The following USP6 variants were observed in gnomAD, a reference collection of about 807,000 sequenced individuals.
The protein encoded by USP6 is ubiquitin specific peptidase 6.
In USP6, 128 loss-of-function variants were observed where a neutral mutation model predicts 175.7. The ratio of observed to expected loss-of-function variants is 0.73; its 90% CI spans 0.63 to 0.84. The LOEUF (loss-of-function observed/expected upper bound fraction) is 0.84. Among genes scored for constraint, USP6 ranks in the 40% least tolerant of loss-of-function variants. The pLI is 0.00. For synonymous variants in USP6, 562 were observed against 630.6 expected (o/e 0.89, Z 1.63); for missense variants, 1,498 against 1,760.3 (o/e 0.85, Z 2.67).
intron 37 of USP6, 97 bp from the exon 38 acceptor site, chr17:5,172,708 G>T: frequency 6.5e-7 from 1 of 1,527,562 alleles, no homozygotes; most frequent in Non-Finnish European, 8.9e-7. Flanking sequence ...AAGCAATCAG[G>T]TTAGTAATTA....
intron 31 of USP6, 95 bp downstream of exon 31, chr17:5,155,701 C>G (rs2073869263): frequency 8.2e-7 from 1 of 1,217,316 alleles, no homozygotes; most frequent in Non-Finnish European, 1.1e-6. Flanking sequence ...CAGCCCATGT[C>G]AAGTTTGGCG....
Position 5,130,674 on chromosome 17 carries a change from G to C in USP6, c.145G>C (p.Gly49Arg). The change falls in exon 11 of 38, where the codon GGC (glycine) becomes CGC (arginine). Residue 49 changes from glycine to arginine, a missense_variant. This residue lies in a region of USP6 where 281 missense variants were observed against 259.6 expected (regional missense o/e 1.08). Transcript: ENST00000574788. ...VGINSSIDRF[G>R]ILHETELPPV... is the part of the protein sequence containing the mutation. ...AATCAACAGCAGCATTGATCGTTTT[G>C]GCATTTTGCAGTGAGTCATCCTCTA... 6.2e-7 allele frequency: 1 copy of C among 1,613,984 alleles called. No homozygotes were observed. The highest frequency in any genetic ancestry group is 1.3e-5 in the African/African-American group (1 of 75,050).
At chr17:5,138,868 C>A in intron 21 of USP6, 1 of 705,338 alleles carries the variant, frequency 1.4e-6, no homozygotes, top group Non-Finnish European at 2.2e-6. Context: ...ACGTCCGGGC[C>A]CAGTCACCCA....
At chr17:5,155,713 C>G (rs2073869505) in intron 31 of USP6, 107 bp downstream of exon 31, 2 of 1,048,816 alleles carry the variant, frequency 1.9e-6, no homozygotes, top group African/African-American at 1.7e-5. Context: ...AGTTTGGCGC[C>G]CAGCCAAAAT....
intron 31 of USP6, among the ~76,000 whole-genome samples, chr17:5,158,327 G>A (rs1223415384): frequency 6.6e-6 from 1 of 152,166 alleles, no homozygotes; most frequent in African/African-American, 2.4e-5. Context: ...AGCACTTCAG[G>A]AGGCCGAGGT....
rs2072633080 is a variant in USP6 at position 5,120,631 on chromosome 17, T to C, written c.-1832T>C. On this transcript the variant is annotated 5_prime_UTR_variant, in exon 3 of 38. It removes an upstream start codon present in the reference 5' UTR. Coordinates refer to ENST00000574788, the MANE Select transcript of USP6 (RefSeq NM_001304284.2). ...CCTGCTGTCCTCTCTGCCCAGGAAA[T>C]GAAGGCCCTTTGAGGTCAGGTGGAT... is the stretch of plus-strand genomic sequence containing the variant. 2.7e-6 allele frequency: 1 copy of C among 376,328 alleles called. No individual in the cohort carries two copies. Among genetic ancestry groups the C allele is most frequent in the Non-Finnish European group, 5.2e-6 (1 of 193,608 alleles). 23.3% of individuals were successfully genotyped at this position (376,328 alleles called of 1,614,324 possible).
chr17:5,152,531 A>G (rs1187774428), intron 30 of USP6, among the ~76,000 whole-genome samples: 9 of 152,238 alleles, frequency 5.9e-5, no homozygotes, highest in Admixed American at 3.9e-4. Context: ...AGCATTATCT[A>G]TAGTAGCCCC....
intron 33 of USP6, among the ~76,000 whole-genome samples, chr17:5,163,464 A>G (rs1330803660): frequency 6.6e-6 from 1 of 152,164 alleles, no homozygotes; most frequent in African/African-American, 2.4e-5. Flanking sequence ...CTAAGTTCTC[A>G]GAAGAGAACT....
At chr17:5,128,744 T>C (rs1029199075) in intron 7 of USP6, 3 of 152,642 alleles carry the variant, frequency 2.0e-5, no homozygotes, top group Admixed American at 6.5e-5. Context: ...CAAGGCCCCA[T>C]TGTGATGCGT....
intron 29 of USP6, 53 bp from the exon 30 acceptor site, chr17:5,148,503 A>C (rs1208492023): frequency 1.7e-5 from 27 of 1,595,120 alleles, no homozygotes; most frequent in Non-Finnish European, 1.6e-5. Context: ...AGAAAAGAGC[A>C]AAGATGAAAA....
rs115525640 is a variant in USP6, at chr17:5,158,689, C to T, written c.2829-2839C>T. Among the ~76,000 whole-genome samples the T allele has an allele frequency of 4.8e-3, 595 of 123,614 alleles. 12 individuals carry two copies. The highest frequency in any genetic ancestry group is 0.017 in the African/African-American group (538 of 31,640). 81.1% of individuals were successfully genotyped at this position (123,614 alleles called of 152,430 possible). Reference sequence around the variant, plus strand: ...AGAGAGAGATTGAGAAGAAGCAGCCCGTAATGTAAGAAGAAAACCAGGAGT... The same window carrying T: ...AGAGAGAGATTGAGAAGAAGCAGCCTGTAATGTAAGAAGAAAACCAGGAGT... On this transcript the variant is annotated intron_variant, in intron 31 of 37. Transcript: ENST00000574788.
At chr17:5,163,335 A>G (rs1284734740) in intron 33 of USP6, among the ~76,000 whole-genome samples, 3 of 152,210 alleles carry the variant, frequency 2.0e-5, no homozygotes, top group Non-Finnish European at 1.5e-5. Flanking sequence ...GCTTCTGGCA[A>G]AGACTTCTGT....
At chr17:5,162,491 A>G (rs1039162330) in intron 32 of USP6, among the ~76,000 whole-genome samples, 2 of 152,204 alleles carry the variant, frequency 1.3e-5, no homozygotes, top group Admixed American at 1.3e-4. Context: ...CCATTTTACA[A>G]ACAAGGAGAT....
chr17:5,137,902 G>A (rs567875480), intron 20 of USP6, 152 bp downstream of exon 20: 171 of 1,540,172 alleles, frequency 1.1e-4, no homozygotes, highest in Middle Eastern at 4.1e-4. Flanking sequence ...CTGTGACACC[G>A]AGCCCATCCC....
At chr17:5,158,614 G>GGGGGA (rs2073938861) in intron 31 of USP6, among the ~76,000 whole-genome samples, 9 of 26,356 alleles carry the variant, frequency 3.4e-4, no homozygotes, top group African/African-American at 1.2e-3. Context: ...AGGGAGAGGG[G>GGGGGA]GAGAGAGAGA....
At chr17:5,151,433 G>A (rs1471450964) in intron 30 of USP6, among the ~76,000 whole-genome samples, 1 of 17,900 alleles carries the variant, frequency 5.6e-5, no homozygotes, top group African/African-American at 2.2e-4. Context: ...AAGTCTGCAT[G>A]TGTGTGTGTG....
chr17:5,117,032 C>T (rs1445192980), intron 1 of USP6, among the ~76,000 whole-genome samples: 2 of 152,228 alleles, frequency 1.3e-5, no homozygotes, highest in African/African-American at 4.8e-5. Context: ...AAGTACTTTG[C>T]AGAAAGCCTT....
chr17:5,143,241 C>G (rs1181602530), intron 25 of USP6, among the ~76,000 whole-genome samples: 1 of 152,162 alleles, frequency 6.6e-6, no homozygotes, highest in Admixed American at 6.5e-5. Context: ...GCCACCACCC[C>G]GTCTGGGAGG....
intron 11 of USP6, 54 bp downstream of exon 11, chr17:5,130,738 G>A: frequency 6.2e-7 from 1 of 1,606,276 alleles, no homozygotes; most frequent in Non-Finnish European, 8.5e-7. Flanking sequence ...TCAGCTCAGG[G>A]ATGGGTTTGC....
Sources: allele counts gnomAD v4.1 joint callset (sites outside exome capture counted in the v4.1 genomes callset), GRCh38; gene constraint gnomAD v4.1.1; regional missense constraint gnomAD v4.1.1; transcripts MANE v1.5; gene names NCBI Gene and HGNC (gene_info 2026-07-23, HGNC 2026-07-21).